The following TMTC2 variants were observed in gnomAD, a reference collection of about 807,000 sequenced individuals.
TMTC2 encodes the protein protein O-mannosyl-transferase TMTC2.
Under a neutral mutation model 82.4 loss-of-function variants are expected in TMTC2, and 43 were observed. The ratio of observed to expected loss-of-function variants is 0.52; its 90% CI spans 0.41 to 0.67. The LOEUF (loss-of-function observed/expected upper bound fraction) is 0.67. Among genes scored for constraint, TMTC2 ranks in the 30% least tolerant of loss-of-function variants. The pLI is 0.00. For missense variants in TMTC2, 919 were observed against 1,012.4 expected, an observed-to-expected ratio of 0.91 and a Z score of 1.25; for synonymous variants, 408 against 381.9, an observed-to-expected ratio of 1.07 and a Z score of -0.80.
chr12:82,883,388 G>A (rs1872934317), intron 2 of TMTC2, among the ~76,000 whole-genome samples: 1 of 151,968 alleles, frequency 6.6e-6, no homozygotes, highest in Non-Finnish European at 1.5e-5. Flanking sequence ...AGTTCTATTT[G>A]TATATATAAT....
At chr12:82,914,470 T>A (rs2137215606) in intron 3 of TMTC2, among the ~76,000 whole-genome samples, 1 of 152,334 alleles carries the variant, frequency 6.6e-6, no homozygotes, top group East Asian at 1.9e-4. Flanking sequence ...GGTACTATAT[T>A]TATAACTTAT....
intron 11 of TMTC2, among the ~76,000 whole-genome samples, chr12:83,098,202 C>G (rs889602034): frequency 1.3e-5 from 2 of 152,280 alleles, no homozygotes; most frequent in East Asian, 1.9e-4. Context: ...TAACTGACTC[C>G]AGCCTATCAT....
intron 11 of TMTC2, among the ~76,000 whole-genome samples, chr12:83,066,048 A>T (rs1215757766): frequency 1.3e-5 from 2 of 151,964 alleles, no homozygotes; most frequent in Non-Finnish European, 2.9e-5. Flanking sequence ...ATGTAGTAGG[A>T]TTTGAAAGTT....
At chr12:82,814,942 A>G (rs1227925356) in intron 1 of TMTC2, among the ~76,000 whole-genome samples, 8 of 152,114 alleles carry the variant, frequency 5.3e-5, no homozygotes, top group Non-Finnish European at 8.8e-5. Flanking sequence ...TGTAGAGGGG[A>G]AAACTGAGTT....
chr12:82,739,052 G>T (rs1052343975), intron 1 of TMTC2, among the ~76,000 whole-genome samples: 3 of 151,822 alleles, frequency 2.0e-5, no homozygotes, highest in Non-Finnish European at 4.4e-5. Context: ...GGAGGCTGAG[G>T]CAGGAGAATC....
intron 1 of TMTC2, among the ~76,000 whole-genome samples, chr12:82,795,910 T>G (rs903180535): frequency 6.6e-6 from 1 of 152,180 alleles, no homozygotes; most frequent in African/African-American, 2.4e-5. Flanking sequence ...CAAACTAAGA[T>G]AACAGTGGAG....
intron 1 of TMTC2, among the ~76,000 whole-genome samples, chr12:82,741,874 G>A (rs1306128761): frequency 6.6e-6 from 1 of 152,152 alleles, no homozygotes; most frequent in African/African-American, 2.4e-5. Flanking sequence ...ATTCTTATTT[G>A]TTCCTGTGGC....
At chr12:82,707,078 G>A (rs72615654) in intron 1 of TMTC2, among the ~76,000 whole-genome samples, 23,789 of 152,156 alleles carry the variant, frequency 0.16, 2,128 homozygotes, top group East Asian at 0.35. Context: ...TTGAGCTGCT[G>A]TAACAAAATA....
intron 2 of TMTC2, among the ~76,000 whole-genome samples, chr12:82,871,549 C>G (rs1214047139): frequency 6.6e-6 from 1 of 152,028 alleles, no homozygotes. Flanking sequence ...CTGTATAACT[C>G]TGTGCTAAGT....
chr12:82,949,108 G>A (rs1345710919), intron 4 of TMTC2, among the ~76,000 whole-genome samples: 6 of 152,148 alleles, frequency 3.9e-5, no homozygotes, highest in African/African-American at 7.2e-5. Flanking sequence ...AAAGGTTTTG[G>A]CCTATGCTTG....
At chr12:83,121,788 G>A (rs1884955264) in intron 11 of TMTC2, among the ~76,000 whole-genome samples, 1 of 152,132 alleles carries the variant, frequency 6.6e-6, no homozygotes, top group African/African-American at 2.4e-5. Flanking sequence ...GGCAGGGCTA[G>A]GCGTGTCTGA....
intron 4 of TMTC2, among the ~76,000 whole-genome samples, chr12:82,944,696 G>C (rs1014224426): frequency 3.3e-5 from 5 of 152,094 alleles, no homozygotes; most frequent in African/African-American, 1.2e-4. Flanking sequence ...GGGAGAAAAT[G>C]GCCAAAACCA....
intron 2 of TMTC2, among the ~76,000 whole-genome samples, chr12:82,884,969 C>G (rs1269787075): frequency 1.3e-5 from 2 of 152,086 alleles, no homozygotes; most frequent in South Asian, 2.1e-4. Context: ...TCACAGCTCA[C>G]AGCAGCCTCA....
chr12:82,841,306 A>C (rs1424543788), intron 1 of TMTC2, among the ~76,000 whole-genome samples: 2 of 152,226 alleles, frequency 1.3e-5, no homozygotes, highest in Non-Finnish European at 2.9e-5. Context: ...AATGATATAA[A>C]GATTAGAAAG....
At chr12:82,872,695 G>A (rs947459109) in intron 2 of TMTC2, among the ~76,000 whole-genome samples, 1 of 152,116 alleles carries the variant, frequency 6.6e-6, no homozygotes, top group Non-Finnish European at 1.5e-5. Flanking sequence ...GAGTGTCCAT[G>A]TGTCTAATGG....
At chr12:83,060,916 G>A (rs756953778) in intron 10 of TMTC2, among the ~76,000 whole-genome samples, 19 of 151,646 alleles carry the variant, frequency 1.3e-4, no homozygotes, top group Non-Finnish European at 7.4e-5. Context: ...AGTCAGTTGC[G>A]CTACTAACAG....
intron 3 of TMTC2, among the ~76,000 whole-genome samples, chr12:82,929,075 G>T (rs1222350503): frequency 2.0e-5 from 3 of 151,742 alleles, no homozygotes; most frequent in African/African-American, 7.3e-5. Context: ...TTTTTGTTTT[G>T]TTTTGTTTTA....
chr12:83,026,202 G>T (rs555751531), intron 8 of TMTC2, among the ~76,000 whole-genome samples: 1 of 151,984 alleles, frequency 6.6e-6, no homozygotes, highest in Non-Finnish European at 1.5e-5. Flanking sequence ...CTCCTTTTAG[G>T]CAATTTCAAA....
intron 1 of TMTC2, among the ~76,000 whole-genome samples, chr12:82,822,095 CTG>C (rs1157071888): frequency 6.6e-6 from 1 of 152,036 alleles, no homozygotes; most frequent in Non-Finnish European, 1.5e-5. Context: ...ATAATTCTAA[CTG>C]TATGACATTC....
Sources: allele counts gnomAD v4.1 joint callset (sites outside exome capture counted in the v4.1 genomes callset), GRCh38; gene constraint gnomAD v4.1.1; transcripts MANE v1.5; gene names NCBI Gene and HGNC (gene_info 2026-07-23, HGNC 2026-07-21).